The following DNAH12 variants were observed in gnomAD, a reference collection of about 807,000 sequenced individuals.
DNAH12 encodes axonemal beta dynein heavy chain 12.
Under a neutral mutation model 371.5 loss-of-function variants are expected in DNAH12, and 285 were observed. The observed-to-expected ratio is 0.77, with a 90% CI of 0.70 to 0.85. The LOEUF (loss-of-function observed/expected upper bound fraction) is 0.85, where lower values mean the gene tolerates loss of function less well. DNAH12 is among the 40% of genes least tolerant of loss of function. The pLI, the probability that DNAH12 is intolerant of heterozygous loss-of-function variation, is 0.00. For missense variants in DNAH12, 3,611 were observed against 3,689.4 expected (o/e 0.98, Z 0.55); for synonymous variants, 1,200 against 1,213.0 (o/e 0.99, Z 0.22).
intron 11 of DNAH12, among the ~76,000 whole-genome samples, chr3:57,494,834 C>T (rs1009065828): frequency 5.9e-5 from 9 of 151,856 alleles, no homozygotes; most frequent in African/African-American, 1.7e-4. Flanking sequence ...CATGGTGAAA[C>T]CCCTTCTTTA....
chr3:57,327,086 C>G (rs1293432849), intron 62 of DNAH12, among the ~76,000 whole-genome samples: 1 of 151,508 alleles, frequency 6.6e-6, no homozygotes, highest in Non-Finnish European at 1.5e-5. Flanking sequence ...TACAAAGAGA[C>G]TTAGACTCCC....
At position 57,474,678 on chromosome 3, in the gene DNAH12, G is replaced by A. The variant is rs551927647; in HGVS notation, c.1651-2007C>T. ...AATTAGTATATAAAAATAAATTTTG[G>A]TCGAGCATGGTAGCTCACGCCTGTA... On this transcript the variant is annotated intron_variant, in intron 13 of 73. Coordinates refer to ENST00000495027, the MANE Select transcript of DNAH12 (RefSeq NM_001366028.2). 4.6e-4 allele frequency among the ~76,000 whole-genome samples: 69 copies of A among 151,470 alleles called. No homozygotes were observed. The South Asian group carries it at 0.014, about 32-fold the overall frequency.
rs140008878 is a variant in DNAH12 at position 57,524,288 on chromosome 3, A to T, written c.171-404T>A. Among the ~76,000 whole-genome samples, 978 of 152,264 alleles carry T rather than the reference A, an allele frequency of 6.4e-3. 6 individuals carry two copies. Among genetic ancestry groups the T allele is most frequent in the Non-Finnish European group, 9.2e-3 (627 of 68,020 alleles). ...ATCCTCACTTATCTTGCTTCAAAGC[A>T]CTTACCATCGTTTGATATAGAATAT... is the stretch of plus-strand genomic sequence containing the variant. On this transcript the variant is annotated intron_variant, in intron 2 of 73. Transcript: ENST00000495027.
chr3:57,519,888 C>T (rs2068345801), intron 4 of DNAH12: 7 of 922,968 alleles, frequency 7.6e-6, no homozygotes, highest in Admixed American at 6.8e-5. Context: ...CGGCCCAGCT[C>T]CACATGGCCA....
Position 57,508,518 on chromosome 3 carries a change from A to G in DNAH12, c.565T>C (p.Trp189Arg). The G allele has an allele frequency of 1.9e-6, 3 of 1,612,468 alleles. No individual in the cohort carries two copies. The highest frequency in any genetic ancestry group is 2.5e-6 in the Non-Finnish European group (3 of 1,179,666). The change falls in exon 7 of 74, where the codon TGG becomes CGG. Residue 189 changes from tryptophan to arginine, a missense_variant. By Grantham distance (101) the Trp-to-Arg change is moderately radical. This residue lies in a region of DNAH12 where 1,314 missense variants were observed against 1,398.7 expected (regional missense o/e 0.94). Transcript: ENST00000495027. ...CTTGCCTGCACATAGCTAGAATGCC[A>G]AGGATTAGAATAATCTAGGCCTCTG... Reference protein sequence around the residue: ...SPVGLDYSNPWHSSYVQARNQ... With the variant: ...SPVGLDYSNPRHSSYVQARNQ...
intron 1 of DNAH12, 119 bp from the exon 2 acceptor site, chr3:57,543,022 A>C: frequency 1.5e-6 from 1 of 682,566 alleles, no homozygotes; most frequent in Non-Finnish European, 2.2e-6. Flanking sequence ...CTTCCTCCCA[A>C]GTATGGTATT....
At position 57,451,268 on chromosome 3, in the gene DNAH12, C is replaced by T. The variant is rs115721352; in HGVS notation, c.3786+1575G>A. On this transcript the variant is annotated intron_variant, in intron 25 of 73. Coordinates refer to ENST00000495027, the MANE Select transcript of DNAH12 (RefSeq NM_001366028.2). ...GGTAGAGTGGTACTTCTTGATGCTC[C>T]TTCTCAATTCCCGTAGGAAGGGTTG... 5.4e-3 allele frequency among the ~76,000 whole-genome samples: 816 copies of T among 152,308 alleles called. 2 individuals are homozygous for T. Among genetic ancestry groups the T allele is most frequent in the Non-Finnish European group, 9.3e-3 (635 of 68,034 alleles).
At chr3:57,360,783 C>T (rs2062909734) in intron 58 of DNAH12, among the ~76,000 whole-genome samples, 1 of 152,120 alleles carries the variant, frequency 6.6e-6, no homozygotes, top group South Asian at 2.1e-4. Context: ...TTAGTGCAAT[C>T]TCTGTTTAGC....
At chr3:57,480,638 AT>A (rs1179232655) in intron 13 of DNAH12, among the ~76,000 whole-genome samples, 2 of 152,102 alleles carry the variant, frequency 1.3e-5, no homozygotes, top group Non-Finnish European at 2.9e-5. Context: ...TTAGACCAAT[AT>A]CCCTGATGAA....
chr3:57,534,046 T>A (rs925503938), intron 2 of DNAH12, among the ~76,000 whole-genome samples: 16 of 152,218 alleles, frequency 1.1e-4, no homozygotes, highest in Admixed American at 1.0e-3. Flanking sequence ...ATCACTGGGA[T>A]GTGCGATTCC....
chr3:57,412,428 T>C (rs541829838), intron 39 of DNAH12, among the ~76,000 whole-genome samples: 1 of 152,286 alleles, frequency 6.6e-6, no homozygotes, highest in Non-Finnish European at 1.5e-5. Context: ...CACCAACAGA[T>C]TGGTTGAGAA....
chr3:57,527,800 G>A (rs2068700374), intron 2 of DNAH12, among the ~76,000 whole-genome samples: 1 of 152,200 alleles, frequency 6.6e-6, no homozygotes. Context: ...CAGATGGGTA[G>A]TTTGCAAATA....
upstream of DNAH12, among the ~76,000 whole-genome samples, chr3:57,546,649 G>A (rs1158278630): frequency 6.6e-6 from 1 of 152,128 alleles, no homozygotes; most frequent in Non-Finnish European, 1.5e-5. Flanking sequence ...TAGCCTGAAT[G>A]TCAATTTGGT....
At chr3:57,503,413 G>T (rs748185534) in intron 9 of DNAH12, among the ~76,000 whole-genome samples, 1 of 148,004 alleles carries the variant, frequency 6.8e-6, no homozygotes, top group Non-Finnish European at 1.5e-5. Context: ...TTTTTGAGAC[G>T]GAGTCTCACT....
chr3:57,320,047 G>A (rs866574292), intron 65 of DNAH12, among the ~76,000 whole-genome samples: 4 of 151,982 alleles, frequency 2.6e-5, no homozygotes, highest in Non-Finnish European at 5.9e-5. Flanking sequence ...ATCCCACTTG[G>A]CCATGGTGTA....
chr3:57,312,642 A>G (rs2061605146), intron 66 of DNAH12, among the ~76,000 whole-genome samples: 1 of 152,222 alleles, frequency 6.6e-6, no homozygotes, highest in South Asian at 2.1e-4. Flanking sequence ...CAGAAGCTGT[A>G]GGCTGGGGCT....
At chr3:57,389,280 A>G (rs1048363375) in intron 45 of DNAH12, among the ~76,000 whole-genome samples, 3,574 of 151,872 alleles carry the variant, frequency 0.024, 65 homozygotes, top group Admixed American at 0.035. Context: ...TGGGTGCTTC[A>G]TTTTTAATCA....
chr3:57,525,942 TAGTAG>T (rs2068632556), intron 2 of DNAH12, among the ~76,000 whole-genome samples: 1 of 151,958 alleles, frequency 6.6e-6, no homozygotes. Flanking sequence ...TTTGTATTTT[TAGTAG>T]ACATGGGGTT....
At chr3:57,446,491 TGTAA>T (rs1368803350) in intron 26 of DNAH12, 42 bp downstream of exon 26, 1 of 1,496,272 alleles carries the variant, frequency 6.7e-7, no homozygotes, top group South Asian at 1.3e-5. Flanking sequence ...TAGACCTAGC[TGTAA>T]GTTTGAAACA....
Sources: gnomAD v4.1 joint callset for allele counts (sites outside exome capture counted in the v4.1 genomes callset) on GRCh38, gnomAD v4.1.1 for gene constraint, gnomAD v4.1.1 regional missense constraint, MANE v1.5 for transcripts, NCBI Gene and HGNC (gene_info 2026-07-23, HGNC 2026-07-21) for gene names.